The following IDUA variants were observed in gnomAD, a reference collection of about 807,000 sequenced individuals.
IDUA encodes the protein iduronidase alpha-L-.
A neutral mutation model predicts 68.9 loss-of-function variants in IDUA; 65 were observed. That is an observed-to-expected ratio of 0.94 (90% CI 0.77 to 1.16). The LOEUF (loss-of-function observed/expected upper bound fraction) is 1.16, where lower values mean the gene tolerates loss of function less well. Ranked by LOEUF, IDUA falls within the 50% of genes most tolerant of loss-of-function variation. The pLI, the probability that IDUA is intolerant of heterozygous loss-of-function variation, is 0.00. For synonymous variants in IDUA, 529 were observed against 433.6 expected (o/e 1.22, Z -2.73); for missense variants, 1,046 against 938.0 (o/e 1.12, Z -1.50).
chr4:1,001,015 C>G lies in IDUA; in HGVS notation c.493+26C>G, dbSNP rs541624524. ...GTGGGCGAGCGCAGGCCCTGGGGCC[C>G]TGGCCGGGGCGGGGGTACTCCTGGG... is the stretch of plus-strand genomic sequence containing the variant. On this transcript the variant is annotated intron_variant, in intron 4 of 13. Coordinates refer to ENST00000514224, the MANE Select transcript of IDUA (RefSeq NM_000203.5). 8.5e-6 allele frequency: 13 copies of G among 1,536,810 alleles called. No homozygotes were observed. The East Asian group carries it at 2.5e-4, about 29-fold the overall frequency.
At position 1,004,046 on chromosome 4, in the gene IDUA, G is replaced by A. The variant is rs1439796210; in HGVS notation, c.1762G>A (p.Asp588Asn). The part of the protein sequence containing the change: ...LWTYEIQFSQ[D>N]GKAYTPVSRK... ...GACATACGAGATCCAGTTCTCTCAGGACGGTAAGGCGTACACCCCGGTCAG... is the reference window on the plus strand; with the variant it reads ...GACATACGAGATCCAGTTCTCTCAGAACGGTAAGGCGTACACCCCGGTCAG... The change falls in exon 13 of 14, where the codon GAC becomes AAC. Residue 588 changes from aspartate (D) to asparagine (N), a missense_variant. By Grantham distance (23) the Asp-to-Asn change is conservative. Coordinates refer to ENST00000514224, the MANE Select transcript of IDUA (RefSeq NM_000203.5). This position sits in a 1 kb window ranked among gnomAD's most constrained non-coding sequence, Gnocchi z 5.0. 4 of 1,612,204 alleles carry A rather than the reference G, an allele frequency of 2.5e-6. No individual in the cohort carries two copies. Among genetic ancestry groups the A allele is most frequent in the Non-Finnish European group, 3.4e-6 (4 of 1,179,690 alleles).
chr4:1,001,950 C>T (rs1715109082), intron 6 of IDUA, 32 bp from the exon 7 acceptor site: 1 of 1,573,626 alleles, frequency 6.4e-7, no homozygotes, highest in South Asian at 1.2e-5. Context: ...GCCGCGCTGA[C>T]CCTGGTGGTG....
chr4:997,323 G>A (rs1418066513), intron 2 of IDUA, among the ~76,000 whole-genome samples: 1 of 100,866 alleles, frequency 9.9e-6, no homozygotes, highest in African/African-American at 3.7e-5. Flanking sequence ...CCCGGCCTCC[G>A]CCCCTGCCCC....
At chr4:1,003,202 CCCGGGGGGGTGGGGT>C in intron 10 of IDUA, 45 bp downstream of exon 10, 2 of 1,277,636 alleles carry the variant, frequency 1.6e-6, no homozygotes, top group Non-Finnish European at 2.0e-6. Context: ...GGGCCGGGGT[CCCGGGGGGGTGGGGT>C]CCGGGGCGGG....
rs761263557 is a variant in IDUA at position 1,002,419 on chromosome 4, C to T, written c.1123C>T (p.Arg375Cys). Residue 375 changes from arginine to cysteine, a missense_variant, in exon 8 of 14, where the codon CGC becomes TGC. Transcript: ENST00000514224. ...LTARFQVNNT[R>C]PPHVQLLRKP... ...CGCGCGCTTCCAGGTCAACAACACC[C>T]GCCCGCCGCACGTGCAGCTGTTGCG... 3 of 1,575,528 alleles carry T rather than the reference C, an allele frequency of 1.9e-6. No homozygotes were observed. The highest frequency in any genetic ancestry group is 3.7e-5 in the Admixed American group (2 of 53,526).
chr4:995,434 C>T (rs1714690509), intron 2 of IDUA, among the ~76,000 whole-genome samples: 1 of 152,122 alleles, frequency 6.6e-6, no homozygotes, highest in Admixed American at 6.5e-5. Flanking sequence ...CTGCACGGGG[C>T]ACCTGTGGCC....
chr4:999,162 G>C (rs527950233), intron 2 of IDUA, among the ~76,000 whole-genome samples: 1 of 150,484 alleles, frequency 6.6e-6, no homozygotes, highest in Non-Finnish European at 1.5e-5. Context: ...CCGAGATCGC[G>C]CCACTGCACC....
intron 2 of IDUA, chr4:990,379 G>C (rs768693510): frequency 1.3e-6 from 2 of 1,575,444 alleles, no homozygotes; most frequent in Non-Finnish European, 1.7e-6. Context: ...ACGGAGTGCG[G>C]TCAGGCCAGC....
chr4:998,293 A>G (rs1053526011), intron 2 of IDUA, among the ~76,000 whole-genome samples: 1 of 152,144 alleles, frequency 6.6e-6, no homozygotes, highest in Admixed American at 6.5e-5. Context: ...TTGATCTTGT[A>G]CACCATGGGA....
chr4:1,004,488 A>G lies in IDUA; in HGVS notation c.*95A>G. On this transcript the variant is annotated 3_prime_UTR_variant, in exon 14 of 14. Transcript: ENST00000514224. This position sits in a 1 kb window ranked among gnomAD's most constrained non-coding sequence, Gnocchi z 5.0. ...GCTGCCCTCCCATCACCCCCTTTGC[A>G]ATATATTTTTATATTTTATTATTTT... 8.2e-7 allele frequency: 1 copy of G among 1,221,976 alleles called. No homozygotes were observed. The highest frequency in any genetic ancestry group is 1.1e-6 in the Non-Finnish European group (1 of 876,642). The allele number at this position is 1,221,976 out of a possible 1,614,324, so 75.7% of individuals were successfully genotyped here.
intron 1 of IDUA, 66 bp from the exon 2 acceptor site, chr4:987,741 CGT>C (rs1713849099): frequency 6.2e-7 from 1 of 1,603,784 alleles, no homozygotes; most frequent in Non-Finnish European, 8.5e-7. Flanking sequence ...TGGGCTTGAA[CGT>C]GTGTGTCAGC....
chr4:991,173 G>A, intron 2 of IDUA: 1 of 1,570,828 alleles, frequency 6.4e-7, no homozygotes. Flanking sequence ...CGACACGGAT[G>A]GCGTAGCAGT....
chr4:1,003,034 A>G lies in IDUA; in HGVS notation c.1403-2A>G. On this transcript the variant is annotated splice_acceptor_variant, in intron 9 of 13. Transcript: ENST00000514224. LOFTEE classifies it high-confidence loss of function. The stretch of plus-strand genomic sequence containing the variant: ...CCGAGGCCTGAGTGTCAGGCCCCGC[A>G]GGCCTGGTCTACGTCACGCGCTACC... The G allele has an allele frequency of 6.7e-7, 1 of 1,494,314 alleles. No individual in the cohort carries two copies. The highest frequency in any genetic ancestry group is 8.9e-7 in the Non-Finnish European group (1 of 1,129,920). 92.6% of individuals were successfully genotyped at this position (1,494,314 alleles called of 1,614,324 possible).
chr4:988,275 C>G, intron 2 of IDUA: 1 of 1,197,150 alleles, frequency 8.4e-7, no homozygotes. Flanking sequence ...GAGGGCTGAG[C>G]TGAGGTCTCA....
intron 2 of IDUA, chr4:991,524 CAGCCAGCGCGTGGCGGGGAGCAG>C: frequency 6.2e-7 from 1 of 1,607,508 alleles, no homozygotes; most frequent in Non-Finnish European, 8.5e-7. Context: ...GGTACTGACG[CAGCCAGCGCGTGGCGGGGAGCAG>C]GTCCTGCACC....
rs375986014 is a variant in IDUA at position 989,372 on chromosome 4, C to T, written c.299+1423C>T. 33 of 1,581,422 alleles carry T rather than the reference C, an allele frequency of 2.1e-5. 2 individuals are homozygous for T. The highest frequency in any genetic ancestry group is 1.7e-4 in the Middle Eastern group (1 of 6,028). Reference sequence around the variant, plus strand: ...AGGCCCTCGAACTCTGTGGCATCCTCGTAGAAGGCCGTGTCCCCGATGCGG... The same window carrying T: ...AGGCCCTCGAACTCTGTGGCATCCTTGTAGAAGGCCGTGTCCCCGATGCGG... On this transcript the variant is annotated intron_variant, in intron 2 of 13. Transcript: ENST00000514224.
intron 2 of IDUA, chr4:990,544 C>T (rs926582949): frequency 2.7e-5 from 17 of 623,358 alleles, no homozygotes; most frequent in Non-Finnish European, 4.5e-5. Flanking sequence ...CACGCGTGCT[C>T]ATGCCCGCAG....
Position 1,002,297 on chromosome 4 carries a change from T to G in IDUA, c.1001T>G (p.Leu334Arg), listed in dbSNP as rs753372554. 224 of 1,612,688 alleles carry G rather than the reference T, an allele frequency of 1.4e-4. No individual in the cohort carries two copies. Among genetic ancestry groups the G allele is most frequent in the Non-Finnish European group, 1.9e-4 (219 of 1,179,610 alleles). ...KVIAQHQNLL[L>R]ANTTSAFPYA... The stretch of plus-strand genomic sequence containing the variant: ...ATCGCGCAGCATCAGAACCTGCTAC[T>G]GGCCAACACCACCTCCGCCTTCCCC... The change falls in exon 8 of 14, where the codon CTG becomes CGG. Residue 334 changes from leucine (L) to arginine (R), a missense_variant. Leu to Arg is a moderately radical substitution (Grantham distance 102). Transcript: ENST00000514224.
chr4:989,241 T>C (rs764621464), intron 2 of IDUA: 2 of 1,612,486 alleles, frequency 1.2e-6, no homozygotes, highest in Admixed American at 1.7e-5. Context: ...CCATGCACCC[T>C]GCGTCCAGCC....
Sources: allele counts gnomAD v4.1 joint callset (sites outside exome capture counted in the v4.1 genomes callset), GRCh38; gene constraint gnomAD v4.1.1; non-coding constraint Gnocchi (gnomAD v3.1); transcripts MANE v1.5; gene names NCBI Gene and HGNC (gene_info 2026-07-23, HGNC 2026-07-21).